The following DPP6 variants were observed in gnomAD, a reference collection of about 807,000 sequenced individuals.
DPP6 encodes A-type potassium channel modulatory protein DPP6.
DPP6 carries 69 observed loss-of-function variants against 122.6 expected under a neutral mutation model. That is an observed-to-expected ratio of 0.56 (90% CI 0.46 to 0.69). DPP6 has a LOEUF of 0.69. DPP6 is among the 30% of genes least tolerant of loss of function. The pLI, the probability that DPP6 is intolerant of heterozygous loss-of-function variation, is 0.00. For synonymous variants in DPP6, 418 were observed against 433.1 expected, an observed-to-expected ratio of 0.97 and a Z score of 0.43; for missense variants, 928 against 1,116.9, an observed-to-expected ratio of 0.83 and a Z score of 2.41.
intron 10 of DPP6, among the ~76,000 whole-genome samples, chr7:154,791,026 C>T (rs1377880639): frequency 1.3e-5 from 2 of 152,062 alleles, no homozygotes. Flanking sequence ...CCGAGGCTGG[C>T]AGATTACTTG....
intron 7 of DPP6, among the ~76,000 whole-genome samples, chr7:154,718,616 G>C (rs192099856): frequency 6.8e-6 from 1 of 147,510 alleles, no homozygotes; most frequent in East Asian, 2.0e-4. Context: ...GCTTGCCTGG[G>C]TTTTAGACTT....
At chr7:154,815,617 T>G (rs543180664) in intron 16 of DPP6, among the ~76,000 whole-genome samples, 1 of 152,326 alleles carries the variant, frequency 6.6e-6, no homozygotes, top group Non-Finnish European at 1.5e-5. Context: ...GAATTGGCCA[T>G]TTGGTGCTTC....
At chr7:153,939,154 A>G (rs768718851) in intron 1 of DPP6, among the ~76,000 whole-genome samples, 12 of 152,204 alleles carry the variant, frequency 7.9e-5, no homozygotes, top group African/African-American at 1.7e-4. Flanking sequence ...AAGAAGGTGC[A>G]TTAAGATCAT....
chr7:154,435,376 GT>G (rs1818777622), intron 1 of DPP6, among the ~76,000 whole-genome samples: 1 of 152,164 alleles, frequency 6.6e-6, no homozygotes, highest in African/African-American at 2.4e-5. Flanking sequence ...TTTCCCACCA[GT>G]TTCACTAGTG....
At chr7:154,491,575 C>T (rs1243709668) in intron 3 of DPP6, among the ~76,000 whole-genome samples, 4 of 152,214 alleles carry the variant, frequency 2.6e-5, no homozygotes, top group African/African-American at 7.2e-5. Context: ...TCCTTTCCTC[C>T]TCCCTCTTTT....
At chr7:154,728,688 C>T (rs1308961144) in intron 8 of DPP6, among the ~76,000 whole-genome samples, 2 of 152,198 alleles carry the variant, frequency 1.3e-5, no homozygotes, top group Non-Finnish European at 2.9e-5. Context: ...ATGTATTTCT[C>T]ACAGCTCTGA....
chr7:154,519,412 G>A (rs1010514087), intron 3 of DPP6, among the ~76,000 whole-genome samples: 5 of 152,200 alleles, frequency 3.3e-5, no homozygotes, highest in African/African-American at 1.2e-4. Context: ...GGAGACGTCT[G>A]CCTTTGACAT....
chr7:153,954,924 A>G (rs1285210410), intron 1 of DPP6, among the ~76,000 whole-genome samples: 6 of 53,590 alleles, frequency 1.1e-4, no homozygotes, highest in African/African-American at 1.0e-3. Flanking sequence ...GTGCATAAAC[A>G]AGGCTGAAAG....
intron 1 of DPP6, among the ~76,000 whole-genome samples, chr7:154,405,703 G>A (rs563638210): frequency 7.0e-4 from 106 of 152,198 alleles, no homozygotes; most frequent in Middle Eastern, 6.8e-3. Flanking sequence ...AGGGAACCTG[G>A]GAAGGCCCCC....
At chr7:154,835,899 A>G (rs1490497150) in intron 16 of DPP6, among the ~76,000 whole-genome samples, 2 of 152,154 alleles carry the variant, frequency 1.3e-5, no homozygotes, top group Non-Finnish European at 2.9e-5. Context: ...AAGGAATACA[A>G]CCTCCACCTG....
chr7:154,840,124 T>C (rs1172231429), intron 16 of DPP6, among the ~76,000 whole-genome samples: 1 of 152,186 alleles, frequency 6.6e-6, no homozygotes, highest in Non-Finnish European at 1.5e-5. Context: ...GGTGATTTTG[T>C]ATCACAGGTA....
chr7:154,301,786 CTTTTTT>C (rs869114137), intron 1 of DPP6, among the ~76,000 whole-genome samples: 2 of 119,810 alleles, frequency 1.7e-5, no homozygotes, highest in Non-Finnish European at 3.5e-5. Flanking sequence ...GATCTGCCCT[CTTTTTT>C]TTTTTTTTTT....
chr7:154,742,395 CT>C (rs1193308094), intron 8 of DPP6, among the ~76,000 whole-genome samples: 1 of 152,188 alleles, frequency 6.6e-6, no homozygotes, highest in African/African-American at 2.4e-5. Flanking sequence ...CATTTAGACA[CT>C]TTTGGCAGAA....
chr7:153,905,827 A>G (rs1472210054), intron 1 of DPP6, among the ~76,000 whole-genome samples: 1 of 152,210 alleles, frequency 6.6e-6, no homozygotes, highest in Non-Finnish European at 1.5e-5. Context: ...GAGGACCAAC[A>G]CACGAGCAGC....
intron 16 of DPP6, among the ~76,000 whole-genome samples, chr7:154,831,703 C>G (rs1800642529): frequency 6.6e-6 from 1 of 152,158 alleles, no homozygotes; most frequent in Non-Finnish European, 1.5e-5. Flanking sequence ...TCAAGTTTTC[C>G]TTTTCATGAC....
At chr7:153,871,586 C>T in the DPP6 span, among the ~76,000 whole-genome samples, 2 of 152,330 alleles carry the variant, frequency 1.3e-5, no homozygotes, top group East Asian at 3.9e-4. Flanking sequence ...AGTTCCCTGA[C>T]CCCTTGCACT....
At chr7:154,279,055 A>T (rs937871923) in intron 1 of DPP6, among the ~76,000 whole-genome samples, 3 of 150,002 alleles carry the variant, frequency 2.0e-5, no homozygotes. Flanking sequence ...ATGTGTGTGT[A>T]TATATGTGTG....
chr7:153,972,339 C>G (rs1796065043), intron 1 of DPP6, among the ~76,000 whole-genome samples: 11 of 151,548 alleles, frequency 7.3e-5, no homozygotes, highest in Admixed American at 7.2e-4. Flanking sequence ...GCTGTTTTGC[C>G]TCACAAACAC....
intron 3 of DPP6, among the ~76,000 whole-genome samples, chr7:154,482,262 C>T (rs756168734): frequency 6.6e-5 from 10 of 151,722 alleles, no homozygotes; most frequent in Non-Finnish European, 1.0e-4. Flanking sequence ...AGAGTGGAGG[C>T]TGGGACCAAC....
Sources: gnomAD v4.1 joint callset for allele counts (sites outside exome capture counted in the v4.1 genomes callset) on GRCh38, gnomAD v4.1.1 for gene constraint, MANE v1.5 for transcripts, NCBI Gene and HGNC (gene_info 2026-07-23, HGNC 2026-07-21) for gene names.